DGKB: variants seen among roughly 807,000 people sequenced by gnomAD.
The protein encoded by DGKB is diacylglycerol kinase beta, also known as 90 kDa diacylglycerol kinase.
In DGKB, 67 loss-of-function variants were observed where a neutral mutation model predicts 114.3. The ratio of observed to expected loss-of-function variants is 0.59; its 90% CI spans 0.48 to 0.72. The LOEUF (loss-of-function observed/expected upper bound fraction) is 0.72. DGKB is among the 30% of genes least tolerant of loss of function. The pLI is 0.00. For synonymous variants in DGKB, 398 were observed against 323.1 expected (o/e 1.23, Z -2.49); for missense variants, 907 against 975.2 (o/e 0.93, Z 0.93).
At chr7:14,206,633 A>T (rs951905753) in intron 23 of DGKB, among the ~76,000 whole-genome samples, 1 of 152,050 alleles carries the variant, frequency 6.6e-6, no homozygotes. Context: ...AAACAACATA[A>T]TCAGATTTTT....
At chr7:14,881,415 A>G (rs1340505680) in intron 1 of DGKB, among the ~76,000 whole-genome samples, 1 of 152,268 alleles carries the variant, frequency 6.6e-6, no homozygotes, top group East Asian at 1.9e-4. Context: ...TTTTCTCTCA[A>G]CAAGTCATTT....
chr7:14,442,411 T>C (rs1321263804), intron 21 of DGKB, among the ~76,000 whole-genome samples: 1 of 152,066 alleles, frequency 6.6e-6, no homozygotes, highest in Non-Finnish European at 1.5e-5. Flanking sequence ...TGTTTCAACC[T>C]GTATTGGTAG....
intron 2 of DGKB, among the ~76,000 whole-genome samples, chr7:14,780,620 A>G (rs1274168085): frequency 7.1e-6 from 1 of 140,838 alleles, no homozygotes; most frequent in African/African-American, 3.0e-5. Context: ...TTTGAGCATG[A>G]TGTTCCACAG....
At position 14,147,724 on chromosome 7, in the gene DGKB, T is replaced by C. The variant is rs571098173; in HGVS notation, c.*1407A>G. ...TTTGAAAACATAAAACATGCAATGA[T>C]GAGATGCAGGTCAATATGAATGAAC... On this transcript the variant is annotated 3_prime_UTR_variant, in exon 26 of 26. Transcript: ENST00000402815. The C allele has an allele frequency of 3.3e-5, 5 of 152,648 alleles. No individual in the cohort carries two copies. Among genetic ancestry groups the C allele is most frequent in the African/African-American group, 9.6e-5 (4 of 41,576 alleles). 9.5% of individuals were successfully genotyped at this position (152,648 alleles called of 1,614,324 possible).
chr7:14,587,436 T>A (rs1800961725), intron 17 of DGKB, among the ~76,000 whole-genome samples: 1 of 152,118 alleles, frequency 6.6e-6, no homozygotes, highest in Non-Finnish European at 1.5e-5. Flanking sequence ...CTAGTAAAGA[T>A]GCTGTGAACA....
At chr7:14,771,862 A>G (rs1241412923) in intron 2 of DGKB, among the ~76,000 whole-genome samples, 1 of 152,036 alleles carries the variant, frequency 6.6e-6, no homozygotes, top group Non-Finnish European at 1.5e-5. Flanking sequence ...TTTAGGTCTG[A>G]TAAGAAACAT....
chr7:14,792,251 A>T (rs1840764012), intron 2 of DGKB, among the ~76,000 whole-genome samples: 1 of 152,184 alleles, frequency 6.6e-6, no homozygotes, highest in African/African-American at 2.4e-5. Flanking sequence ...TGAATTCAAA[A>T]GAATGTAATG....
At chr7:14,713,410 A>G (rs1173328585) in intron 6 of DGKB, among the ~76,000 whole-genome samples, 3 of 135,316 alleles carry the variant, frequency 2.2e-5, no homozygotes, top group Non-Finnish European at 4.9e-5. Flanking sequence ...CTGATTTAAT[A>G]AACTTTAAAA....
intron 15 of DGKB, among the ~76,000 whole-genome samples, chr7:14,620,968 T>A (rs1309314810): frequency 1.2e-4 from 18 of 151,712 alleles, no homozygotes; most frequent in Admixed American, 1.2e-3. Flanking sequence ...CATTCAGAGT[T>A]CATTTTCTTC....
chr7:14,399,861 T>G (rs942254219), intron 21 of DGKB, among the ~76,000 whole-genome samples: 2 of 151,670 alleles, frequency 1.3e-5, no homozygotes, highest in Admixed American at 6.6e-5. Flanking sequence ...AAAATGAAAG[T>G]TTTTTTTAAA....
At chr7:14,605,734 C>T (rs1804382213) in intron 17 of DGKB, among the ~76,000 whole-genome samples, 1 of 151,856 alleles carries the variant, frequency 6.6e-6, no homozygotes, top group South Asian at 2.1e-4. Context: ...CAAATTTATT[C>T]CAATATATTT....
chr7:14,195,796 T>C (rs907704510), intron 23 of DGKB, among the ~76,000 whole-genome samples: 1 of 152,176 alleles, frequency 6.6e-6, no homozygotes, highest in Admixed American at 6.6e-5. Context: ...TGATTTACAG[T>C]AAACATTTCC....
intron 21 of DGKB, among the ~76,000 whole-genome samples, chr7:14,452,586 A>G (rs1186847700): frequency 6.6e-6 from 1 of 152,042 alleles, no homozygotes; most frequent in East Asian, 1.9e-4. Flanking sequence ...GAAATTTTTA[A>G]TAAGAGTCAC....
intron 4 of DGKB, among the ~76,000 whole-genome samples, chr7:14,747,775 G>GCGCGCGCGCGCGCGCA: frequency 9.4e-5 from 14 of 149,278 alleles, no homozygotes; most frequent in South Asian, 4.2e-4. Flanking sequence ...ACATCCACGC[G>GCGCGCGCGCGCGCGCA]CACGCACACA....
rs999090184 is a variant in DGKB, at chr7:14,877,288, G to T, written c.-188+25304C>A. Among the ~76,000 whole-genome samples, 6 of 152,148 alleles carry T rather than the reference G, an allele frequency of 3.9e-5. 1 individual carries two copies. Among genetic ancestry groups the T allele is most frequent in the Admixed American group, 2.0e-4 (3 of 15,272 alleles). On this transcript the variant is annotated intron_variant, in intron 1 of 25. Transcript: ENST00000402815. ...AAAAATTTTATGGCCGGGTGTGGTGGCTCATGCCTGTAATCCCAGCACTTT... is the reference window on the plus strand; with the variant it reads ...AAAAATTTTATGGCCGGGTGTGGTGTCTCATGCCTGTAATCCCAGCACTTT...
chr7:14,852,487 C>CAAAAAAACAAAAACAAAACAA (rs1554304213), intron 1 of DGKB, among the ~76,000 whole-genome samples: 2 of 63,636 alleles, frequency 3.1e-5, no homozygotes, highest in Non-Finnish European at 5.9e-5. Flanking sequence ...TAGTGAAAGT[C>CAAAAAAACAAAAACAAAACAA]AAAAAAAAAA....
At chr7:14,525,020 G>A (rs920783639) in intron 20 of DGKB, among the ~76,000 whole-genome samples, 2 of 152,046 alleles carry the variant, frequency 1.3e-5, no homozygotes, top group South Asian at 2.1e-4. Context: ...TTGAAGCTGT[G>A]TGATGAGTAC....
At position 14,945,610 on chromosome 7, in the gene DGKB, T is replaced by A. The variant is rs9655118; in HGVS notation, c.-188+29086A>T. 8.6e-3 allele frequency among the ~76,000 whole-genome samples: 1,305 copies of A among 151,788 alleles called. 22 individuals carry two copies. The highest frequency in any genetic ancestry group is 0.03 in the African/African-American group (1,226 of 41,488). Reference sequence around the variant, plus strand: ...ATTCACACACAGGCACACGCACAAGTACAAGACTGCACATATCAGAAGCAA... The same window carrying A: ...ATTCACACACAGGCACACGCACAAGAACAAGACTGCACATATCAGAAGCAA... On this transcript the variant is annotated intron_variant, in intron 1 of 4. Coordinates refer to the DGKB transcript ENST00000437998.
At chr7:14,229,731 C>T (rs928770277) in intron 23 of DGKB, among the ~76,000 whole-genome samples, 2 of 151,922 alleles carry the variant, frequency 1.3e-5, no homozygotes, top group African/African-American at 4.8e-5. Flanking sequence ...CAATGACCAT[C>T]CTTCATTCCC....
Sources: gnomAD v4.1 joint callset for allele counts (sites outside exome capture counted in the v4.1 genomes callset) on GRCh38, gnomAD v4.1.1 for gene constraint, MANE v1.5 for transcripts, NCBI Gene and HGNC (gene_info 2026-07-23, HGNC 2026-07-21) for gene names.